The following ANXA6 variants were observed in gnomAD, a reference collection of about 807,000 sequenced individuals.
The protein encoded by ANXA6 is annexin A6.
ANXA6 carries 71 observed loss-of-function variants against 95.4 expected under a neutral mutation model. That is an observed-to-expected ratio of 0.74 (90% CI 0.61 to 0.91). ANXA6 has a LOEUF of 0.91. Among genes scored for constraint, ANXA6 ranks in the 40% least tolerant of loss-of-function variants. The pLI, the probability that ANXA6 is intolerant of heterozygous loss-of-function variation, is 0.00. For synonymous variants in ANXA6, 289 were observed against 315.9 expected, an observed-to-expected ratio of 0.91 and a Z score of 0.90; for missense variants, 830 against 876.4, an observed-to-expected ratio of 0.95 and a Z score of 0.67.
Position 151,129,450 on chromosome 5 carries a change from A to T in ANXA6, c.875T>A (p.Ile292Asn). ...GGACTTCTCATACTTGGTCCGGAAG[A>T]TCTCCCGAATGTCGAGCATGTCCAA... ...SELDMLDIRE[I>N]FRTKYEKSLY... The change falls in exon 12 of 26, where the codon ATC becomes AAC. Residue 292 changes from isoleucine to asparagine, a missense_variant. Coordinates refer to ENST00000354546, the MANE Select transcript of ANXA6 (RefSeq NM_001155.5). The T allele has an allele frequency of 6.2e-7, 1 of 1,613,432 alleles. No homozygotes were observed. The highest frequency in any genetic ancestry group is 8.5e-7 in the Non-Finnish European group (1 of 1,179,836).
intron 1 of ANXA6, 89 bp from the exon 2 acceptor site, chr5:151,148,015 C>T (rs1349201874): frequency 7.8e-7 from 1 of 1,275,468 alleles, no homozygotes; most frequent in East Asian, 2.5e-5. Context: ...TGCTGTTTTC[C>T]AGCTGCCCCC....
chr5:151,110,715 G>T (rs1249894495), intron 20 of ANXA6, 71 bp from the exon 21 acceptor site: 14 of 1,570,236 alleles, frequency 8.9e-6, no homozygotes, highest in Admixed American at 1.7e-5. Context: ...GGAGGCTGGT[G>T]CTGGGGCCCT....
At chr5:151,126,329 A>G in intron 14 of ANXA6, 73 bp downstream of exon 14, 2 of 1,378,118 alleles carry the variant, frequency 1.5e-6, no homozygotes, top group Non-Finnish European at 2.0e-6. Flanking sequence ...CTGGGTGCCA[A>G]CCAGAGCAGC....
chr5:151,156,177 A>T (rs1766232448), intron 1 of ANXA6, among the ~76,000 whole-genome samples: 1 of 152,190 alleles, frequency 6.6e-6, no homozygotes, highest in Non-Finnish European at 1.5e-5. Flanking sequence ...GCAGAGGGGG[A>T]TGAAAGCCTC....
chr5:151,105,282 G>C lies in ANXA6; in HGVS notation c.1802C>G (p.Pro601Arg), dbSNP rs776994035. The change falls in exon 24 of 26, where the codon CCT (proline) becomes CGT (arginine). Residue 601 changes from proline to arginine, a missense_variant. Coordinates refer to ENST00000354546, the MANE Select transcript of ANXA6 (RefSeq NM_001155.5). ...VAIVQSVKNK[P>R]LFFADKLYKS... ...GTAAAGTTTGTCGGCAAAGAAGAGA[G>C]GCTTGTTCTTGACACTTTGAACTGG... 2.5e-5 allele frequency: 40 copies of C among 1,613,836 alleles called. No individual in the cohort carries two copies. Among genetic ancestry groups the C allele is most frequent in the Non-Finnish European group, 3.2e-5 (38 of 1,179,842 alleles).
rs1220109428 is a variant in ANXA6 at position 151,154,154 on chromosome 5, G to GT, written c.-26+3525dup. Among the ~76,000 whole-genome samples the GT allele has an allele frequency of 2.0e-5, 3 of 151,992 alleles. No homozygotes were observed. The East Asian group carries it at 5.8e-4, about 29-fold the overall frequency. On this transcript the variant is annotated intron_variant, in intron 1 of 25. Transcript: ENST00000354546. ...AAAATCAGTCATCAAGCAGGGGCGT[G>GT]TTTTTCCATAAACATTTATTTGAGC...
chr5:151,145,746 AC>A (rs2113954147), intron 2 of ANXA6, among the ~76,000 whole-genome samples: 1 of 152,118 alleles, frequency 6.6e-6, no homozygotes, highest in Non-Finnish European at 1.5e-5. Flanking sequence ...GGCTTTTTTC[AC>A]ATTTCTCTGT....
In ANXA6 at chr5:151,119,387, C is replaced by T. The variant is rs778331893; in HGVS notation, c.1351G>A (p.Ala451Thr). The T allele has an allele frequency of 4.3e-6, 7 of 1,613,678 alleles. No homozygotes were observed. The highest frequency in any genetic ancestry group is 4.5e-5 in the East Asian group (2 of 44,894). The part of the protein sequence containing the change: ...AKQLKKAMEG[A>T]GTDEKALIEI... ...ATAAGAGCCTTTTCATCTGTGCCGG[C>T]TCCCTGGAATGTCAAGGCAAAGATG... Residue 451 changes from alanine (A) to threonine (T), a missense_variant, in exon 18 of 26, where the codon GCC (alanine) becomes ACC (threonine). Ala to Thr is a moderately conservative substitution (Grantham distance 58, BLOSUM62 0). Coordinates refer to ENST00000354546, the MANE Select transcript of ANXA6 (RefSeq NM_001155.5).
chr5:151,150,170 G>C (rs1766074196), intron 1 of ANXA6, among the ~76,000 whole-genome samples: 1 of 150,826 alleles, frequency 6.6e-6, no homozygotes, highest in Admixed American at 6.6e-5. Flanking sequence ...TACCCAGTAA[G>C]ACCTAAAAGG....
chr5:151,132,977 G>A (rs1308784511), intron 9 of ANXA6, 117 bp downstream of exon 9: 7 of 798,340 alleles, frequency 8.8e-6, no homozygotes, highest in Non-Finnish European at 1.4e-5. Flanking sequence ...CTAAAGTTTG[G>A]GTTGGGAATG....
rs1764543830 is a variant in ANXA6 at position 151,101,355 on chromosome 5, C to T, written c.*93G>A. 2.2e-6 allele frequency: 1 copy of T among 452,710 alleles called. No homozygotes were observed. The highest frequency in any genetic ancestry group is 7.5e-5 in the East Asian group (1 of 13,274). 28.0% of individuals were successfully genotyped at this position (452,710 alleles called of 1,614,324 possible). A position where few individuals can be genotyped will look rare whatever the true frequency, so the allele number is the denominator to read the frequency against. On this transcript the variant is annotated 3_prime_UTR_variant, in exon 26 of 26. Coordinates refer to ENST00000354546, the MANE Select transcript of ANXA6 (RefSeq NM_001155.5). ...ACCCCTCCCCCCACCCCTGCCCCTT[C>T]CTTAGTCTCTGGAGCTGGAACAATC... is the stretch of plus-strand genomic sequence containing the variant.
At chr5:151,156,110 C>T (rs1286684745) in intron 1 of ANXA6, among the ~76,000 whole-genome samples, 3 of 152,360 alleles carry the variant, frequency 2.0e-5, no homozygotes, top group South Asian at 2.1e-4. Context: ...GCAGATGCTG[C>T]CTTAGGAACA....
chr5:151,100,876 G>GGCT lies in ANXA6; in HGVS notation c.*569_*571dup. 2.2e-6 allele frequency: 1 copy of GGCT among 456,240 alleles called. No homozygotes were observed. The highest frequency in any genetic ancestry group is 4.4e-6 in the Non-Finnish European group (1 of 226,988). The allele number at this position is 456,240 out of a possible 1,614,324, so 28.3% of individuals were successfully genotyped here. A position where few individuals can be genotyped will look rare whatever the true frequency, so the allele number is the denominator to read the frequency against. ...AAATAGAGACTCAGGGAGGGAAAGG[G>GGCT]GCTGGCCTAAGGTCAGAAACAAGTG... On this transcript the variant is annotated 3_prime_UTR_variant, in exon 26 of 26. Transcript: ENST00000354546.
chr5:151,154,723 C>T (rs753080605), intron 1 of ANXA6, among the ~76,000 whole-genome samples: 27 of 152,218 alleles, frequency 1.8e-4, no homozygotes, highest in Non-Finnish European at 3.2e-4. Context: ...CTTTTCCTCT[C>T]CTGACCCAGA....
chr5:151,139,253 C>T, intron 4 of ANXA6, 100 bp downstream of exon 4: 1 of 854,884 alleles, frequency 1.2e-6, no homozygotes, highest in Non-Finnish European at 1.8e-6. Context: ...CACAGGCTAA[C>T]CTGGAGTGCC....
In ANXA6 at chr5:151,117,292, C is replaced by G. The variant is rs11747529; in HGVS notation, c.1519-112G>C. ...CTCTCTGAATGCTCTTCCTCATCAGCTACACAGGGACGAAAATCCTGCCTC... is the reference window on the plus strand; with the variant it reads ...CTCTCTGAATGCTCTTCCTCATCAGGTACACAGGGACGAAAATCCTGCCTC... On this transcript the variant is annotated intron_variant, in intron 19 of 25. Transcript: ENST00000354546. 3.0e-5 allele frequency: 33 copies of G among 1,091,076 alleles called. No individual in the cohort carries two copies. The African/African-American group carries it at 4.3e-4, about 14-fold the overall frequency. 67.6% of individuals were successfully genotyped at this position (1,091,076 alleles called of 1,614,324 possible).
rs756965896 is a variant in ANXA6, at chr5:151,139,317, C to A, written c.204+36G>T. On this transcript the variant is annotated intron_variant, in intron 4 of 25. Coordinates refer to ENST00000354546, the MANE Select transcript of ANXA6 (RefSeq NM_001155.5). ...ACAGGTGAATGAAATCATTCTTCCA[C>A]CCGCACCCCATGGGCCCTCCGGTTG... 45 of 1,452,790 alleles carry A rather than the reference C, an allele frequency of 3.1e-5. 1 individual carries two copies. Among genetic ancestry groups the A allele is most frequent in the South Asian group, 2.7e-4 (22 of 80,866 alleles). 90.0% of individuals were successfully genotyped at this position (1,452,790 alleles called of 1,614,324 possible).
At chr5:151,112,967 G>A (rs922875804) in intron 20 of ANXA6, among the ~76,000 whole-genome samples, 7 of 152,240 alleles carry the variant, frequency 4.6e-5, no homozygotes, top group Non-Finnish European at 8.8e-5. Flanking sequence ...GTTGCCAGGG[G>A]CTGGGGGAAG....
At chr5:151,109,215 C>A (rs535884032) in intron 22 of ANXA6, among the ~76,000 whole-genome samples, 2 of 152,136 alleles carry the variant, frequency 1.3e-5, no homozygotes, top group South Asian at 4.1e-4. Flanking sequence ...CTGAGAAGTG[C>A]CAGACATTAA....
Sources: gnomAD v4.1 joint callset for allele counts (sites outside exome capture counted in the v4.1 genomes callset) on GRCh38, gnomAD v4.1.1 for gene constraint, MANE v1.5 for transcripts, NCBI Gene and HGNC (gene_info 2026-07-23, HGNC 2026-07-21) for gene names.